F8: variants seen among roughly 807,000 people sequenced by gnomAD.
The protein encoded by F8 is coagulation factor VIII.
In F8, 12 loss-of-function variants were observed where a neutral mutation model predicts 140.6. The observed-to-expected ratio is 0.09, with a 90% confidence interval of 0.05 to 0.14. F8 has a LOEUF of 0.14. Among genes scored for constraint, F8 ranks in the 10% least tolerant of loss-of-function variants. The pLI is 1.00. For synonymous variants in F8, 585 were observed against 614.6 expected (o/e 0.95, Z 0.71); for missense variants, 1,354 against 1,720.7 (o/e 0.79, Z 3.77).
chrX:155,017,637 T>C (rs1450467273), intron 1 of F8, among the ~76,000 whole-genome samples: 2 of 111,938 alleles, frequency 1.8e-5, no homozygotes, highest in African/African-American at 3.3e-5. Flanking sequence ...CTTAAATATA[T>C]ACAACTTTTA....
chrX:155,013,687 G>T (rs2073720712), intron 1 of F8, among the ~76,000 whole-genome samples: 2 of 111,684 alleles, frequency 1.8e-5, no homozygotes, highest in African/African-American at 3.3e-5. Context: ...GTTGGCCAGG[G>T]CTGCCATAAC....
At chrX:154,993,847 C>T (rs782618604) in intron 3 of F8, among the ~76,000 whole-genome samples, 25 of 112,213 alleles carry the variant, frequency 2.2e-4, no homozygotes, top group African/African-American at 7.4e-4. Flanking sequence ...TTTGTTCTTT[C>T]CTAGTGGTAC....
chrX:154,947,785 T>C lies in F8; in HGVS notation c.2026A>G (p.Thr676Ala). 1 of 1,209,432 alleles carries C rather than the reference T, an allele frequency of 8.3e-7. No individual in the cohort carries two copies. The highest frequency in any genetic ancestry group is 1.1e-6 in the Non-Finnish European group (1 of 893,471). The stretch of plus-strand genomic sequence containing the variant: ...TCATAGACCATTTTGTGTTTGAAGG[T>C]ATATCCAGAGAAGAAGACAGAAAGG... ...DFLSVFFSGYTFKHKMVYEDT... is the reference protein window; with the variant it reads ...DFLSVFFSGYAFKHKMVYEDT... Residue 676 changes from threonine (T) to alanine (A), a missense_variant, in exon 13 of 26, where the codon ACC becomes GCC. By Grantham distance (58) the Thr-to-Ala change is moderately conservative. Transcript: ENST00000360256.
chrX:154,905,691 G>GT (rs1487912142), intron 15 of F8, among the ~76,000 whole-genome samples: 3 of 111,534 alleles, frequency 2.7e-5, no homozygotes, highest in Non-Finnish European at 5.7e-5. Flanking sequence ...AAGTATAGGT[G>GT]TTTTTTAAAA....
At chrX:154,896,295 CTAAT>C (rs1394039591) in intron 21 of F8, 63 bp from the exon 22 acceptor site, 25 of 1,089,564 alleles carry the variant, frequency 2.3e-5, no homozygotes, top group South Asian at 1.1e-4. Context: ...CCTCCTGAAA[CTAAT>C]TATTAGCTTA....
chrX:154,959,202 C>T (rs1365046412), intron 10 of F8, among the ~76,000 whole-genome samples: 3 of 109,447 alleles, frequency 2.7e-5, no homozygotes, highest in African/African-American at 1.0e-4. Context: ...AAGTTAACAC[C>T]CCATTTCTAC....
intron 14 of F8, chrX:154,909,206 A>G: frequency 5.6e-6 from 1 of 177,126 alleles, no homozygotes; most frequent in Non-Finnish European, 1.1e-5. Flanking sequence ...AAGCTGACCA[A>G]TCATGCTGGG....
intron 6 of F8, among the ~76,000 whole-genome samples, chrX:154,973,607 GCTTT>G (rs782083873): frequency 9.8e-5 from 11 of 111,738 alleles, no homozygotes; most frequent in African/African-American, 3.3e-4. Context: ...AAACGTGATT[GCTTT>G]CTTGATTGCT....
Position 154,999,523 on chromosome X carries a change from G to A in F8, c.221C>T (p.Thr74Met), listed in dbSNP as rs782504603. 11 of 1,206,029 alleles carry A rather than the reference G, an allele frequency of 9.1e-6. No homozygotes were observed. The highest frequency in any genetic ancestry group is 1.8e-5 in the African/African-American group (1 of 57,066). Residue 74 changes from threonine (T) to methionine (M), a missense_variant, in exon 2 of 26, where the codon ACG becomes ATG. By Grantham distance (81) the Thr-to-Met change is moderately conservative (BLOSUM62 -1). This residue lies in a region of F8 where 128 missense variants were observed against 230.4 expected (regional missense o/e 0.56). Coordinates refer to ENST00000360256, the MANE Select transcript of F8 (RefSeq NM_000132.4). ...CTTAGCGATGTTGAAAAGGTGATCCGTGAATTCTACAAACAGAGTCTTTTT... is the reference window on the plus strand; with the variant it reads ...CTTAGCGATGTTGAAAAGGTGATCCATGAATTCTACAAACAGAGTCTTTTT... ...VYKKTLFVEF[T>M]DHLFNIAKPR...
At chrX:154,939,939 C>G (rs1557279593) in intron 13 of F8, among the ~76,000 whole-genome samples, 1 of 112,317 alleles carries the variant, frequency 8.9e-6, no homozygotes, top group Non-Finnish European at 1.9e-5. Flanking sequence ...CTCCAACAGA[C>G]CTGCAGCTGA....
At chrX:154,904,768 CT>C in intron 16 of F8, 42 bp downstream of exon 16, 1 of 1,143,788 alleles carries the variant, frequency 8.7e-7, no homozygotes, top group Non-Finnish European at 1.2e-6. Flanking sequence ...AAGACCATTT[CT>C]TTTAAACCAA....
intron 1 of F8, among the ~76,000 whole-genome samples, chrX:155,017,440 T>C (rs1278980777): frequency 8.9e-6 from 1 of 112,380 alleles, no homozygotes; most frequent in African/African-American, 3.2e-5. Flanking sequence ...GGATATTCAA[T>C]GTTGACCCAA....
At chrX:154,993,928 A>G (rs1204868124) in intron 3 of F8, among the ~76,000 whole-genome samples, 2 of 112,361 alleles carry the variant, frequency 1.8e-5, no homozygotes, top group African/African-American at 3.2e-5. Flanking sequence ...ATATTCACCT[A>G]TTTATTCACA....
At chrX:155,020,519 T>G in intron 1 of F8, among the ~76,000 whole-genome samples, 1 of 112,019 alleles carries the variant, frequency 8.9e-6, no homozygotes, top group East Asian at 2.8e-4. Context: ...TATCTCTGAT[T>G]ATAAAAATTA....
intron 22 of F8, among the ~76,000 whole-genome samples, chrX:154,891,292 A>G (rs2072942077): frequency 8.8e-6 from 1 of 113,450 alleles, no homozygotes; most frequent in African/African-American, 3.2e-5. Flanking sequence ...TTGACAACAC[A>G]AAAGAGAAAT....
At chrX:154,860,327 G>T (rs782212661) in intron 25 of F8, 105 bp downstream of exon 25, 6 of 814,478 alleles carry the variant, frequency 7.4e-6, no homozygotes, top group Non-Finnish European at 1.1e-5. Flanking sequence ...AATAAATTTT[G>T]CTCTGAAAAT....
At chrX:154,993,543 C>T (rs1257160002) in intron 3 of F8, among the ~76,000 whole-genome samples, 3 of 111,885 alleles carry the variant, frequency 2.7e-5, no homozygotes, top group African/African-American at 9.8e-5. Context: ...CGAACCACCA[C>T]ACCCGGCCTA....
Position 154,966,516 on chromosome X carries a change from G to C in F8, c.1181C>G (p.Ala394Gly). 8.3e-7 allele frequency: 1 copy of C among 1,211,277 alleles called. No homozygotes were observed. The highest frequency in any genetic ancestry group is 1.1e-6 in the Non-Finnish European group (1 of 895,212). The change falls in exon 8 of 26, where the codon GCC becomes GGC. Residue 394 changes from alanine to glycine, a missense_variant. Physicochemically the swap from Ala to Gly is moderately conservative, Grantham distance 60. Coordinates refer to ENST00000360256, the MANE Select transcript of F8 (RefSeq NM_000132.4). ...TACCCAAGTTTTAGGATGCTTCTTGGCAACTGAGCGAATTTGGATAAAGGA... is the reference window on the plus strand; with the variant it reads ...TACCCAAGTTTTAGGATGCTTCTTGCCAACTGAGCGAATTTGGATAAAGGA... ...SPSFIQIRSV[A>G]KKHPKTWVHY...
At chrX:154,986,638 C>G (rs956588382) in intron 5 of F8, among the ~76,000 whole-genome samples, 10 of 111,135 alleles carry the variant, frequency 9.0e-5, no homozygotes, top group Non-Finnish European at 1.7e-4. Context: ...ATACTCACTT[C>G]AGTAAGCTTC....
Sources: gnomAD v4.1 joint callset for allele counts (sites outside exome capture counted in the v4.1 genomes callset) on GRCh38, gnomAD v4.1.1 for gene constraint, gnomAD v4.1.1 regional missense constraint, MANE v1.5 for transcripts, NCBI Gene and HGNC (gene_info 2026-07-23, HGNC 2026-07-21) for gene names.